Variants in MIB1 observed in about 807,000 individuals in gnomAD.
MIB1 encodes E3 ubiquitin-protein ligase MIB1.
A neutral mutation model predicts 124.5 loss-of-function variants in MIB1; 278 were observed. The observed-to-expected ratio is 2.23, with a 90% CI of 2.02 to 2.47. The LOEUF (loss-of-function observed/expected upper bound fraction) is 2.47, where lower values mean the gene tolerates loss of function less well. MIB1 is among the 30% of genes most tolerant of loss of function. MIB1 has a pLI of 0.00. For missense variants in MIB1, 957 were observed against 1,254.4 expected, an observed-to-expected ratio of 0.76 and a Z score of 3.58; for synonymous variants, 446 against 429.4, an observed-to-expected ratio of 1.04 and a Z score of -0.48.
Position 21,856,232 on chromosome 18 carries a change from G to C in MIB1, c.2666-898G>C, listed in dbSNP as rs1367381598. ...GGCCTGGGCGACAGAGCGAGACTCC[G>C]TCTCAAAAAAAAAACAAAAAACAAA... On this transcript the variant is annotated intron_variant, in intron 18 of 20. Transcript: ENST00000261537. Among the ~76,000 whole-genome samples the C allele has an allele frequency of 5.2e-4, 4 of 7,656 alleles. No homozygotes were observed. The South Asian group carries it at 0.019, about 37-fold the overall frequency. 5.0% of individuals were successfully genotyped at this position (7,656 alleles called of 152,430 possible). A position where few individuals can be genotyped will look rare whatever the true frequency, so the allele number is the denominator to read the frequency against.
intron 12 of MIB1, among the ~76,000 whole-genome samples, chr18:21,835,836 C>CAA (rs1555695323): frequency 0.14 from 436 of 3,136 alleles, 2 homozygotes; most frequent in Middle Eastern, 0.5. Flanking sequence ...CACACACACA[C>CAA]ACAAACACAC....
chr18:21,758,036 T>TA (rs1425633364), intron 1 of MIB1, among the ~76,000 whole-genome samples: 1 of 152,200 alleles, frequency 6.6e-6, no homozygotes, highest in Non-Finnish European at 1.5e-5. Context: ...ACCTGCCACT[T>TA]ACTAATGTTG....
rs1329780986 is a variant in MIB1, at chr18:21,867,204, A to G, written c.*2538A>G. 6.6e-6 allele frequency: 1 copy of G among 152,262 alleles called. No individual in the cohort carries two copies. Among genetic ancestry groups the G allele is most frequent in the Non-Finnish European group, 1.5e-5 (1 of 68,026 alleles). The allele number at this position is 152,262 out of a possible 1,614,324, so 9.4% of individuals were successfully genotyped here. ...TGGCATCTTAGCACACTCAGAATTT[A>G]TTGTGCAGCAGTTGTGTATTTTAAG... On this transcript the variant is annotated 3_prime_UTR_variant, in exon 21 of 21. Coordinates refer to ENST00000261537, the MANE Select transcript of MIB1 (RefSeq NM_020774.4).
In MIB1 at chr18:21,768,619, T is replaced by G; in HGVS notation, c.402-4T>G. The G allele has an allele frequency of 6.6e-7, 1 of 1,524,712 alleles. No homozygotes were observed. Among genetic ancestry groups the G allele is most frequent in the Non-Finnish European group, 8.8e-7 (1 of 1,131,134 alleles). 94.4% of individuals were successfully genotyped at this position (1,524,712 alleles called of 1,614,324 possible). A position where few individuals can be genotyped will look rare whatever the true frequency, so the allele number is the denominator to read the frequency against. ...AACTTGAAAATAAATAATTTTATTT[T>G]TAGGGTTCTGTTAGAGTCTCGTAGG... On this transcript the variant is annotated splice_polypyrimidine_tract_variant and splice_region_variant and intron_variant, in intron 2 of 20. Transcript: ENST00000261537.
chr18:21,790,501 A>T (rs912626866), intron 6 of MIB1, among the ~76,000 whole-genome samples: 7 of 152,228 alleles, frequency 4.6e-5, no homozygotes, highest in African/African-American at 1.7e-4. Context: ...GACACTAAAA[A>T]ATAAATCTTC....
intron 12 of MIB1, among the ~76,000 whole-genome samples, chr18:21,824,089 T>G (rs2041903747): frequency 6.6e-6 from 1 of 152,196 alleles, no homozygotes; most frequent in South Asian, 2.1e-4. Flanking sequence ...ATAGGTATTT[T>G]GGAAGTACAG....
intron 1 of MIB1, among the ~76,000 whole-genome samples, chr18:21,707,810 C>T (rs2040646674): frequency 1.3e-5 from 2 of 152,134 alleles, no homozygotes; most frequent in South Asian, 4.1e-4. Flanking sequence ...AAAGTATTAT[C>T]GAATAAAATG....
intron 10 of MIB1, among the ~76,000 whole-genome samples, chr18:21,807,185 C>T (rs1015988153): frequency 6.6e-6 from 1 of 152,172 alleles, no homozygotes; most frequent in African/African-American, 2.4e-5. Context: ...AATCCAAGCA[C>T]TTTGGGAGGC....
intron 5 of MIB1, 149 bp downstream of exon 5, chr18:21,778,318 TTTTTC>T (rs1228911373): frequency 3.8e-6 from 2 of 522,580 alleles, no homozygotes; most frequent in African/African-American, 3.9e-5. Context: ...CTTAAAGTAT[TTTTTC>T]TTTTATTATG....
At chr18:21,815,571 C>T (rs1237523411) in intron 10 of MIB1, 45 bp from the exon 11 acceptor site, 3 of 1,526,196 alleles carry the variant, frequency 2.0e-6, no homozygotes, top group Admixed American at 1.9e-5. Context: ...AGGTTTTTTT[C>T]TTTCTAAAAT....
intron 12 of MIB1, among the ~76,000 whole-genome samples, chr18:21,831,912 A>G (rs1010416636): frequency 2.6e-5 from 4 of 152,174 alleles, no homozygotes; most frequent in African/African-American, 4.8e-5. Context: ...TTTTTGATTG[A>G]TAAAAAATGT....
rs745376433 is a variant in MIB1, at chr18:21,844,142, T to G, written c.2100T>G (p.Asp700Glu). ...TTGATATTCAGGATAAGGATGGGGA[T>G]ACTCCTTTGCATGAAGCTCTAAGGC... ...AKLDIQDKDG[D>E]TPLHEALRHH... Residue 700 changes from aspartate (D) to glutamate (E), a missense_variant, in exon 15 of 21, where the codon GAT becomes GAG. Transcript: ENST00000261537. 11 of 1,613,930 alleles carry G rather than the reference T, an allele frequency of 6.8e-6. No individual in the cohort carries two copies. In the East Asian group the frequency reaches 1.8e-4, roughly 26 times the overall value.
In MIB1 at chr18:21,817,154, C is replaced by CTTT. The variant is rs1040673828; in HGVS notation, c.1677+1364_1677+1366dup. On this transcript the variant is annotated intron_variant, in intron 11 of 20. Transcript: ENST00000261537. ...TTGGATTGAACTTGGGTTAGGAATT[C>CTTT]TTTTTTTTTTTTTTTTTTTTTTTTT... Among the ~76,000 whole-genome samples, 689 of 74,858 alleles carry CTTT rather than the reference C, an allele frequency of 9.2e-3. 9 individuals are homozygous for CTTT. Among genetic ancestry groups the CTTT allele is most frequent in the African/African-American group, 0.014 (261 of 18,774 alleles). 49.1% of individuals were successfully genotyped at this position (74,858 alleles called of 152,430 possible). A position where few individuals can be genotyped will look rare whatever the true frequency, so the allele number is the denominator to read the frequency against.
intron 1 of MIB1, among the ~76,000 whole-genome samples, chr18:21,726,609 G>A (rs898249726): frequency 3.3e-5 from 5 of 152,062 alleles, no homozygotes; most frequent in Admixed American, 3.3e-4. Context: ...TAGTCCCCAC[G>A]GTTTTGAATC....
chr18:21,753,149 A>G (rs2040993767), intron 1 of MIB1, among the ~76,000 whole-genome samples: 1 of 152,192 alleles, frequency 6.6e-6, no homozygotes, highest in Non-Finnish European at 1.5e-5. Context: ...AACCTTCAGA[A>G]TGATATTTTG....
chr18:21,819,335 A>G (rs2041858923), intron 11 of MIB1, among the ~76,000 whole-genome samples, 160 bp from the exon 12 acceptor site: 2 of 152,202 alleles, frequency 1.3e-5, no homozygotes, highest in South Asian at 4.1e-4. Context: ...CAGCATGCCC[A>G]GCCTTTGCCT....
chr18:21,768,698 A>C lies in MIB1; in HGVS notation c.477A>C (p.Arg159=). The C allele has an allele frequency of 1.2e-6, 2 of 1,610,780 alleles. No individual in the cohort carries two copies. Among genetic ancestry groups the C allele is most frequent in the Non-Finnish European group, 1.7e-6 (2 of 1,178,466 alleles). ...TCTTTGCAGGTGCCAGAGTGGTGCGAGGAGTGGACTGGCAGTGGGAAGATC... is the reference window on the plus strand; with the variant it reads ...TCTTTGCAGGTGCCAGAGTGGTGCGCGGAGTGGACTGGCAGTGGGAAGATC... ...RGIFAGARVV[R]GVDWQWEDQD... The change falls in exon 3 of 21, where the codon CGA becomes CGC. Residue 159 remains arginine (R), a synonymous_variant. Coordinates refer to ENST00000261537, the MANE Select transcript of MIB1 (RefSeq NM_020774.4).
chr18:21,726,403 G>C (rs1405298156), intron 1 of MIB1, among the ~76,000 whole-genome samples: 1 of 152,062 alleles, frequency 6.6e-6, no homozygotes, highest in Non-Finnish European at 1.5e-5. Context: ...AAAAAAAATG[G>C]TTAATGAGAG....
intron 2 of MIB1, among the ~76,000 whole-genome samples, chr18:21,767,648 C>T (rs547301151): frequency 2.2e-4 from 33 of 152,052 alleles, no homozygotes; most frequent in East Asian, 1.2e-3. Flanking sequence ...CCCAGGTTCA[C>T]GCCATTCTCC....
Sources: gnomAD v4.1 joint callset for allele counts (sites outside exome capture counted in the v4.1 genomes callset) on GRCh38, gnomAD v4.1.1 for gene constraint, MANE v1.5 for transcripts, NCBI Gene and HGNC (gene_info 2026-07-23, HGNC 2026-07-21) for gene names.